IL1RAPL2: variants seen among roughly 807,000 people sequenced by gnomAD.
IL1RAPL2 encodes the protein X-linked interleukin-1 receptor accessory protein-like 2.
IL1RAPL2 carries 3 observed loss-of-function variants against 44.1 expected under a neutral mutation model. The ratio of observed to expected loss-of-function variants is 0.07; its 90% CI spans 0.03 to 0.18. The LOEUF (loss-of-function observed/expected upper bound fraction) is 0.18. IL1RAPL2 is among the 10% of genes least tolerant of loss of function. The pLI is 1.00. For synonymous variants in IL1RAPL2, 181 were observed against 178.8 expected, an observed-to-expected ratio of 1.01 and a Z score of -0.10; for missense variants, 391 against 496.4, an observed-to-expected ratio of 0.79 and a Z score of 2.02.
chrX:105,041,631 C>T (rs1280077388), intron 2 of IL1RAPL2, among the ~76,000 whole-genome samples: 5 of 109,416 alleles, frequency 4.6e-5, no homozygotes, highest in Non-Finnish European at 7.6e-5. Context: ...GAATCAATAT[C>T]GTGAAAATGG....
At chrX:105,243,098 C>CA (rs1260953536) in intron 4 of IL1RAPL2, among the ~76,000 whole-genome samples, 178 of 105,560 alleles carry the variant, frequency 1.7e-3, no homozygotes, top group Middle Eastern at 4.8e-3. Context: ...GACTTCATCT[C>CA]AAAAAAAAAA....
intron 6 of IL1RAPL2, among the ~76,000 whole-genome samples, chrX:105,665,346 T>TGC (rs1226026428): frequency 2.6e-4 from 13 of 49,482 alleles, no homozygotes; most frequent in Non-Finnish European, 4.5e-5. Flanking sequence ...TGCGCGTGCG[T>TGC]GTGTGTGTGT....
intron 5 of IL1RAPL2, among the ~76,000 whole-genome samples, chrX:105,380,213 A>G (rs2035419253): frequency 8.9e-6 from 1 of 111,740 alleles, no homozygotes; most frequent in East Asian, 2.8e-4. Context: ...AACGAATTTT[A>G]TATCATAAAT....
chrX:105,096,119 A>G (rs1377754917), intron 2 of IL1RAPL2, among the ~76,000 whole-genome samples: 4 of 112,241 alleles, frequency 3.6e-5, no homozygotes, highest in Non-Finnish European at 7.5e-5. Flanking sequence ...GGGAAACACA[A>G]AGTAAAATGA....
Position 105,381,562 on chromosome X carries a change from C to G in IL1RAPL2, c.698-102751C>G, listed in dbSNP as rs934785861. Among the ~76,000 whole-genome samples, 7 of 111,482 alleles carry G rather than the reference C, an allele frequency of 6.3e-5. No homozygotes were observed. The East Asian group carries it at 1.7e-3, about 27-fold the overall frequency. The stretch of plus-strand genomic sequence containing the variant: ...ATAGGAGATGTTATACGATAATAGA[C>G]AAAATTTATTGACTGCTTATTATGT... On this transcript the variant is annotated intron_variant, in intron 5 of 10. Transcript: ENST00000372582.
intron 5 of IL1RAPL2, among the ~76,000 whole-genome samples, chrX:105,379,460 C>T (rs2035413138): frequency 9.0e-6 from 1 of 111,698 alleles, no homozygotes; most frequent in Non-Finnish European, 1.9e-5. Context: ...AAGAGATGAA[C>T]ATGAAACATA....
intron 5 of IL1RAPL2, among the ~76,000 whole-genome samples, chrX:105,289,681 C>G (rs769831933): frequency 3.6e-5 from 4 of 111,295 alleles, no homozygotes; most frequent in Non-Finnish European, 7.5e-5. Context: ...AAGATGGAAT[C>G]AGGAGTTTGG....
intron 1 of IL1RAPL2, among the ~76,000 whole-genome samples, chrX:104,608,907 G>A (rs1475942214): frequency 9.0e-6 from 1 of 111,205 alleles, no homozygotes; most frequent in Non-Finnish European, 1.9e-5. Flanking sequence ...ATGCTAGCTG[G>A]TTGTTTTGCC....
chrX:104,925,290 A>T (rs993448672), intron 2 of IL1RAPL2, among the ~76,000 whole-genome samples: 5 of 109,151 alleles, frequency 4.6e-5, no homozygotes, highest in Admixed American at 2.9e-4. Flanking sequence ...GGTAAGAGTC[A>T]GTACCATCTC....
At chrX:104,743,796 T>C (rs1932131022) in intron 2 of IL1RAPL2, among the ~76,000 whole-genome samples, 1 of 111,191 alleles carries the variant, frequency 9.0e-6, no homozygotes, top group African/African-American at 3.3e-5. Context: ...CTTTCAGTGG[T>C]TGGATAACTT....
In IL1RAPL2 at chrX:104,578,073, C is replaced by T. The variant is rs761085496; in HGVS notation, c.-20+11022C>T. ...ACATATGTATATTTCCTAACTTTGTCCACTGAGAGGGCCAGGAATAGCAAC... is the reference window on the plus strand; with the variant it reads ...ACATATGTATATTTCCTAACTTTGTTCACTGAGAGGGCCAGGAATAGCAAC... On this transcript the variant is annotated intron_variant, in intron 1 of 10. Transcript: ENST00000372582. 3.6e-5 allele frequency among the ~76,000 whole-genome samples: 4 copies of T among 111,461 alleles called. No individual in the cohort carries two copies. The East Asian group carries it at 1.1e-3, about 31-fold the overall frequency.
intron 6 of IL1RAPL2, among the ~76,000 whole-genome samples, chrX:105,665,641 C>T (rs1180841385): frequency 9.0e-6 from 1 of 110,641 alleles, no homozygotes; most frequent in Non-Finnish European, 1.9e-5. Flanking sequence ...TGCTGAGTGA[C>T]TGAAATAAAA....
At chrX:105,126,960 C>A (rs1303545010) in intron 2 of IL1RAPL2, among the ~76,000 whole-genome samples, 2 of 111,133 alleles carry the variant, frequency 1.8e-5, no homozygotes, top group African/African-American at 3.3e-5. Flanking sequence ...ACTCTATAAC[C>A]TTTGATATTT....
In IL1RAPL2 at chrX:105,074,484, G is replaced by A. The variant is rs755515477; in HGVS notation, c.83-120991G>A. Among the ~76,000 whole-genome samples the A allele has an allele frequency of 1.9e-4, 21 of 111,016 alleles. No individual in the cohort carries two copies. In the Middle Eastern group the frequency reaches 0.018, roughly 97 times the overall value. The stretch of plus-strand genomic sequence containing the variant: ...TGAAGTCAGGTAGCGTGATACCTCC[G>A]GCTTTGTTCTTTTGGCTTAGGATTG... On this transcript the variant is annotated intron_variant, in intron 2 of 10. Coordinates refer to ENST00000372582, the MANE Select transcript of IL1RAPL2 (RefSeq NM_017416.2).
intron 5 of IL1RAPL2, chrX:105,407,091 C>T (rs2035651337): frequency 3.4e-6 from 2 of 587,141 alleles, no homozygotes; most frequent in East Asian, 3.3e-5. Context: ...AAAATGTTTT[C>T]CTTATCACTT....
intron 2 of IL1RAPL2, among the ~76,000 whole-genome samples, chrX:104,790,871 CAG>C (rs1410269138): frequency 8.9e-6 from 1 of 111,768 alleles, no homozygotes; most frequent in African/African-American, 3.3e-5. Flanking sequence ...CTCCACAAGA[CAG>C]TGCTGATTTC....
intron 5 of IL1RAPL2, among the ~76,000 whole-genome samples, chrX:105,401,744 T>C (rs753131751): frequency 3.6e-5 from 4 of 110,733 alleles, no homozygotes; most frequent in African/African-American, 1.3e-4. Context: ...TATATGAAAT[T>C]CTGATTATTT....
chrX:105,633,983 A>G (rs893314936), intron 6 of IL1RAPL2, among the ~76,000 whole-genome samples: 2 of 110,978 alleles, frequency 1.8e-5, no homozygotes, highest in African/African-American at 6.5e-5. Context: ...TGCCACCAAC[A>G]GAAGTCTTTT....
intron 2 of IL1RAPL2, among the ~76,000 whole-genome samples, chrX:104,941,055 G>C (rs1013204303): frequency 2.7e-5 from 3 of 110,458 alleles, no homozygotes; most frequent in Non-Finnish European, 5.7e-5. Flanking sequence ...TGGCTGCATA[G>C]TAATCCATGG....
Sources: allele counts gnomAD v4.1 joint callset (sites outside exome capture counted in the v4.1 genomes callset), GRCh38; gene constraint gnomAD v4.1.1; transcripts MANE v1.5; gene names NCBI Gene and HGNC (gene_info 2026-07-23, HGNC 2026-07-21).